The following SPAG17 variants were observed in gnomAD, a reference collection of about 807,000 sequenced individuals.
SPAG17 encodes the protein sperm associated antigen 17.
Under a neutral mutation model 273.6 loss-of-function variants are expected in SPAG17, and 169 were observed. The ratio of observed to expected loss-of-function variants is 0.62; its 90% CI spans 0.55 to 0.70. The LOEUF (loss-of-function observed/expected upper bound fraction) is 0.70. Ranked by LOEUF, SPAG17 falls within the 30% of genes least tolerant of loss-of-function variation. The pLI, the probability that SPAG17 is intolerant of heterozygous loss-of-function variation, is 0.00. For synonymous variants in SPAG17, 825 were observed against 873.2 expected (o/e 0.94, Z 0.97); for missense variants, 2,557 against 2,627.8 (o/e 0.97, Z 0.59).
intron 48 of SPAG17, chr1:117,959,072 T>C: frequency 6.7e-7 from 1 of 1,484,834 alleles, no homozygotes; most frequent in Non-Finnish European, 9.3e-7. Flanking sequence ...TAGTATAGTA[T>C]GCTGTGCTTT....
At chr1:118,045,963 C>T (rs1650303558) in intron 20 of SPAG17, among the ~76,000 whole-genome samples, 1 of 152,120 alleles carries the variant, frequency 6.6e-6, no homozygotes, top group Non-Finnish European at 1.5e-5. Context: ...AGCAAATACT[C>T]CCAGAACATA....
chr1:118,151,334 C>T lies in SPAG17; in HGVS notation c.123G>A (p.Gly41=), dbSNP rs755395640. ...DWQASIAFVV[G]NQIEDDLLIQ... ...TGAGAAGATCATCTTCAATCTGGTT[C>T]CCAACCACAAAAGCAATGGAGGCCT... is the stretch of plus-strand genomic sequence containing the variant. Residue 41 remains glycine (G), a synonymous_variant, in exon 2 of 49, where the codon GGG becomes GGA. Transcript: ENST00000336338. 1.2e-6 allele frequency: 2 copies of T among 1,612,544 alleles called. No homozygotes were observed. The highest frequency in any genetic ancestry group is 1.7e-5 in the Admixed American group (1 of 59,920).
At chr1:117,965,502 G>A (rs116861056) in intron 47 of SPAG17, 3 of 152,300 alleles carry the variant, frequency 2.0e-5, no homozygotes, top group East Asian at 3.9e-4. Flanking sequence ...TGAACTCGAT[G>A]TCCTCTTTCT....
intron 32 of SPAG17, among the ~76,000 whole-genome samples, chr1:117,997,882 T>C (rs1203774296): frequency 6.6e-6 from 1 of 152,172 alleles, no homozygotes; most frequent in East Asian, 1.9e-4. Context: ...TTTTAGTTCA[T>C]GGGCTATAGA....
At chr1:118,080,780 T>G (rs1654486646) in intron 15 of SPAG17, among the ~76,000 whole-genome samples, 1 of 152,198 alleles carries the variant, frequency 6.6e-6, no homozygotes, top group Non-Finnish European at 1.5e-5. Context: ...ACTGGACATT[T>G]CATTCTGTTT....
chr1:117,974,626 G>A (rs899980621), intron 43 of SPAG17, among the ~76,000 whole-genome samples: 15 of 152,114 alleles, frequency 9.9e-5, no homozygotes, highest in African/African-American at 3.6e-4. Context: ...CAGAAAATTA[G>A]ATCTTCAGAT....
chr1:118,143,579 T>C (rs1658798993), intron 3 of SPAG17, among the ~76,000 whole-genome samples: 1 of 152,194 alleles, frequency 6.6e-6, no homozygotes, highest in Non-Finnish European at 1.5e-5. Flanking sequence ...TTAGGTTAGT[T>C]GATATATATG....
chr1:118,114,311 A>G (rs779557117), intron 4 of SPAG17, among the ~76,000 whole-genome samples: 1 of 152,168 alleles, frequency 6.6e-6, no homozygotes, highest in Non-Finnish European at 1.5e-5. Flanking sequence ...AACATGCTAT[A>G]TGGGAAATAT....
chr1:117,957,088 T>C, intron 48 of SPAG17: 1 of 1,599,448 alleles, frequency 6.3e-7, no homozygotes, highest in Non-Finnish European at 8.5e-7. Flanking sequence ...GAATCTCTAC[T>C]TGTGCTGCCT....
chr1:118,020,011 C>T (rs1167802940), intron 28 of SPAG17, among the ~76,000 whole-genome samples: 1 of 152,156 alleles, frequency 6.6e-6, no homozygotes, highest in East Asian at 1.9e-4. Context: ...CACATTTAAA[C>T]ATAAACCACA....
chr1:118,129,470 C>T (rs1182257295), intron 3 of SPAG17, among the ~76,000 whole-genome samples: 2 of 152,168 alleles, frequency 1.3e-5, no homozygotes, highest in Non-Finnish European at 2.9e-5. Flanking sequence ...TTAACAAGAC[C>T]TCAGGTGATT....
At chr1:118,029,180 T>C (rs1648131759) in intron 25 of SPAG17, among the ~76,000 whole-genome samples, 1 of 151,928 alleles carries the variant, frequency 6.6e-6, no homozygotes, top group Non-Finnish European at 1.5e-5. Flanking sequence ...AGCCCAGGAG[T>C]TTGAGCCCAC....
intron 3 of SPAG17, among the ~76,000 whole-genome samples, chr1:118,136,959 G>A (rs761965053): frequency 2.8e-4 from 43 of 152,236 alleles, no homozygotes; most frequent in Non-Finnish European, 5.0e-4. Flanking sequence ...ATAACTCAAA[G>A]CAGACATTTT....
In SPAG17 at chr1:117,971,899, A is replaced by G. The variant is rs142569000; in HGVS notation, c.6290T>C (p.Val2097Ala). Reference sequence around the variant, plus strand: ...CACTCCAACATTCTTGAGCTTTACAACTGTGGCATAGGTATGTCCTTCCTT... The same window carrying G: ...CACTCCAACATTCTTGAGCTTTACAGCTGTGGCATAGGTATGTCCTTCCTT... ...VLKEGHTYAT[V>A]VKLKNVGVDF... The change falls in exon 45 of 49, where the codon GTT (valine) becomes GCT (alanine). Residue 2097 changes from valine (V) to alanine (A), a missense_variant. Val to Ala is a moderately conservative substitution (Grantham distance 64). Transcript: ENST00000336338. 42 of 1,614,020 alleles carry G rather than the reference A, an allele frequency of 2.6e-5. No individual in the cohort carries two copies. In the African/African-American group the frequency reaches 3.5e-4, roughly 13 times the overall value.
intron 3 of SPAG17, among the ~76,000 whole-genome samples, chr1:118,122,481 A>G (rs181189154): frequency 6.6e-6 from 1 of 152,208 alleles, no homozygotes; most frequent in East Asian, 1.9e-4. Context: ...ACCCTTTTAA[A>G]CCTCATCCTT....
chr1:118,078,560 C>G (rs975300772), intron 15 of SPAG17, among the ~76,000 whole-genome samples: 1 of 152,066 alleles, frequency 6.6e-6, no homozygotes, highest in Admixed American at 6.6e-5. Flanking sequence ...CTTTTCAAAC[C>G]TTATGCTTTT....
At chr1:118,094,912 T>G (rs1655612054) in intron 7 of SPAG17, among the ~76,000 whole-genome samples, 2 of 152,146 alleles carry the variant, frequency 1.3e-5, no homozygotes, top group South Asian at 2.1e-4. Context: ...GCAAATTGAC[T>G]AATAGATCAG....
intron 48 of SPAG17, chr1:117,958,872 C>T: frequency 6.4e-7 from 1 of 1,566,794 alleles, no homozygotes; most frequent in Non-Finnish European, 8.8e-7. Flanking sequence ...AGGGCTAGAA[C>T]CTCTCTGCAA....
chr1:118,052,515 T>C (rs1199743532), intron 20 of SPAG17, among the ~76,000 whole-genome samples: 1 of 151,978 alleles, frequency 6.6e-6, no homozygotes, highest in Non-Finnish European at 1.5e-5. Flanking sequence ...GTGAAATGTA[T>C]ACTTGAAAAT....
Sources: allele counts gnomAD v4.1 joint callset (sites outside exome capture counted in the v4.1 genomes callset), GRCh38; gene constraint gnomAD v4.1.1; transcripts MANE v1.5; gene names NCBI Gene and HGNC (gene_info 2026-07-23, HGNC 2026-07-21).